DOCK1: variants seen among roughly 807,000 people sequenced by gnomAD.
DOCK1 encodes the protein dedicator of cytokinesis protein 1.
DOCK1 carries 138 observed loss-of-function variants against 262.7 expected under a neutral mutation model. That is an observed-to-expected ratio of 0.53 (90% confidence interval 0.46 to 0.61). The LOEUF (loss-of-function observed/expected upper bound fraction) is 0.61. DOCK1 is among the 20% of genes least tolerant of loss of function. DOCK1 has a pLI of 0.00. For missense variants in DOCK1, 1,908 were observed against 2,370.7 expected, an observed-to-expected ratio of 0.80 and a Z score of 4.05; for synonymous variants, 866 against 867.4, an observed-to-expected ratio of 1.00 and a Z score of 0.03.
intron 18 of DOCK1, among the ~76,000 whole-genome samples, chr10:127,036,319 T>G (rs1183481060): frequency 6.6e-6 from 1 of 152,186 alleles, no homozygotes; most frequent in Non-Finnish European, 1.5e-5. Flanking sequence ...TGTCTCCCTA[T>G]TTTTAACTCT....
chr10:127,138,422 C>T (rs992258349), intron 27 of DOCK1, among the ~76,000 whole-genome samples: 10 of 152,108 alleles, frequency 6.6e-5, no homozygotes, highest in African/African-American at 1.4e-4. Flanking sequence ...ACCAAGTGCA[C>T]GCAAGGTCCG....
At chr10:127,337,341 A>G (rs2063246159) in intron 29 of DOCK1, among the ~76,000 whole-genome samples, 1 of 152,118 alleles carries the variant, frequency 6.6e-6, no homozygotes, top group Non-Finnish European at 1.5e-5. Context: ...AGGTGACAGG[A>G]CAGACCCCAT....
At chr10:127,006,893 AG>A (rs68123317) in intron 10 of DOCK1, among the ~76,000 whole-genome samples, 7,848 of 152,216 alleles carry the variant, frequency 0.052, 305 homozygotes, top group Admixed American at 0.11. Context: ...TGCTCGGGTC[AG>A]ACTCCCTTGG....
chr10:127,041,134 G>C (rs1288163640), intron 19 of DOCK1, among the ~76,000 whole-genome samples: 1 of 152,150 alleles, frequency 6.6e-6, no homozygotes, highest in Non-Finnish European at 1.5e-5. Context: ...TTGTTGGCCA[G>C]GCTGGAGTGC....
At chr10:126,940,237 G>A (rs1447347159) in intron 1 of DOCK1, among the ~76,000 whole-genome samples, 2 of 152,160 alleles carry the variant, frequency 1.3e-5, no homozygotes, top group African/African-American at 2.4e-5. Context: ...GCCTTGCTTT[G>A]TAATTTTGGT....
At chr10:127,014,369 A>T (rs1411612347) in intron 12 of DOCK1, among the ~76,000 whole-genome samples, 1 of 152,254 alleles carries the variant, frequency 6.6e-6, no homozygotes, top group Non-Finnish European at 1.5e-5. Context: ...TGAGAAAAGC[A>T]TTTAAAACAC....
intron 33 of DOCK1, among the ~76,000 whole-genome samples, chr10:127,362,946 CATACACAT>C (rs2064632720): frequency 1.4e-5 from 2 of 140,588 alleles, no homozygotes; most frequent in African/African-American, 5.9e-5. Flanking sequence ...CCCCCACACA[CATACACAT>C]GTGCATCCCC....
At position 126,998,167 on chromosome 10, in the gene DOCK1, C is replaced by T. The variant is rs764826742; in HGVS notation, c.685C>T (p.Leu229Phe). Residue 229 changes from leucine to phenylalanine, a missense_variant, in exon 8 of 52, where the codon CTC (leucine) becomes TTC (phenylalanine). Physicochemically the swap from Leu to Phe is conservative, Grantham distance 22. Around this residue, in one of 9 missense-constraint regions of DOCK1, gnomAD observed 3 missense variants for 17.6 expected, o/e 0.17. Coordinates refer to ENST00000623213, the MANE Select transcript of DOCK1 (RefSeq NM_001290223.2). The stretch of plus-strand genomic sequence containing the variant: ...CCCTTCTCTGGCCTTGTTTGTGAAC[C>T]TCAAAAATGTGGTTTGTAAAATAGG... ...ATPSLALFVN[L>F]KNVVCKIGED... 4 of 1,613,998 alleles carry T rather than the reference C, an allele frequency of 2.5e-6. No individual in the cohort carries two copies. Among genetic ancestry groups the T allele is most frequent in the Non-Finnish European group, 3.4e-6 (4 of 1,179,900 alleles).
rs183166988 is a variant in DOCK1, at chr10:126,921,602, A to C, written c.46+16039A>C. Among the ~76,000 whole-genome samples the C allele has an allele frequency of 1.3e-3, 199 of 152,180 alleles. 1 individual carries two copies. The highest frequency in any genetic ancestry group is 4.4e-3 in the African/African-American group (183 of 41,532). On this transcript the variant is annotated intron_variant, in intron 1 of 51. Coordinates refer to ENST00000623213, the MANE Select transcript of DOCK1 (RefSeq NM_001290223.2). Reference sequence around the variant, plus strand: ...TTAGTGGGAGTGTCAGTCTGTTTGCATTACTATAAAGGAATACTTGAGGAC... The same window carrying C: ...TTAGTGGGAGTGTCAGTCTGTTTGCCTTACTATAAAGGAATACTTGAGGAC...
At chr10:126,923,418 G>C (rs188717743) in intron 1 of DOCK1, among the ~76,000 whole-genome samples, 135 of 152,234 alleles carry the variant, frequency 8.9e-4, no homozygotes, top group African/African-American at 3.1e-3. Context: ...GAGGTGAGGA[G>C]TTTGAGACCA....
At chr10:127,194,371 T>A (rs1280322441) in intron 27 of DOCK1, among the ~76,000 whole-genome samples, 1 of 152,242 alleles carries the variant, frequency 6.6e-6, no homozygotes, top group African/African-American at 2.4e-5. Flanking sequence ...TTCCATTTTT[T>A]CTTTGAGCTC....
chr10:127,108,931 T>C (rs975027822), intron 24 of DOCK1, among the ~76,000 whole-genome samples: 8 of 152,228 alleles, frequency 5.3e-5, no homozygotes, highest in African/African-American at 1.9e-4. Context: ...CCCGGGCTTT[T>C]TGAATACAAA....
chr10:127,104,541 T>C (rs541676066), intron 23 of DOCK1, among the ~76,000 whole-genome samples: 4 of 152,364 alleles, frequency 2.6e-5, no homozygotes, highest in African/African-American at 9.6e-5. Context: ...GGGAATACTT[T>C]TGAAGTGAGT....
chr10:127,089,835 T>C (rs2047412849), intron 23 of DOCK1, among the ~76,000 whole-genome samples: 1 of 152,370 alleles, frequency 6.6e-6, no homozygotes, highest in Admixed American at 6.5e-5. Flanking sequence ...ATTGTCTGAC[T>C]TGTGGCAATA....
At position 127,269,032 on chromosome 10, in the gene DOCK1, G is replaced by A. The variant is rs560484411; in HGVS notation, c.3044+11603G>A. Among the ~76,000 whole-genome samples, 14 of 152,294 alleles carry A rather than the reference G, an allele frequency of 9.2e-5. No individual in the cohort carries two copies. The East Asian group carries it at 2.7e-3, about 29-fold the overall frequency. ...GCCACCTTCAGTACAAGGGTTGGAAGCTGAGCCCTGGAGTCAGTTTGTCAG... is the reference window on the plus strand; with the variant it reads ...GCCACCTTCAGTACAAGGGTTGGAAACTGAGCCCTGGAGTCAGTTTGTCAG... On this transcript the variant is annotated intron_variant, in intron 29 of 51. Coordinates refer to ENST00000623213, the MANE Select transcript of DOCK1 (RefSeq NM_001290223.2).
At chr10:127,160,863 C>G (rs909119476) in intron 27 of DOCK1, among the ~76,000 whole-genome samples, 1 of 152,212 alleles carries the variant, frequency 6.6e-6, no homozygotes, top group African/African-American at 2.4e-5. Context: ...CTTCTGCATT[C>G]TTACCCAGGT....
chr10:127,256,563 CA>C (rs1275510120), intron 28 of DOCK1, among the ~76,000 whole-genome samples: 1 of 152,066 alleles, frequency 6.6e-6, no homozygotes, highest in African/African-American at 2.4e-5. Context: ...TAGCTCAGAG[CA>C]CCTGTCAAGC....
intron 27 of DOCK1, among the ~76,000 whole-genome samples, chr10:127,244,528 G>A (rs1299679314): frequency 6.6e-6 from 1 of 152,142 alleles, no homozygotes; most frequent in East Asian, 1.9e-4. Flanking sequence ...AAGAGTCCTC[G>A]TTCCCTGCAC....
At chr10:127,274,450 G>A (rs2060673402) in intron 29 of DOCK1, among the ~76,000 whole-genome samples, 1 of 152,292 alleles carries the variant, frequency 6.6e-6, no homozygotes, top group Non-Finnish European at 1.5e-5. Context: ...CAGAGCACAG[G>A]GAGTAGGAGA....
Sources: allele counts gnomAD v4.1 joint callset (sites outside exome capture counted in the v4.1 genomes callset), GRCh38; gene constraint gnomAD v4.1.1; regional missense constraint gnomAD v4.1.1; transcripts MANE v1.5; gene names NCBI Gene and HGNC (gene_info 2026-07-23, HGNC 2026-07-21).